The following PTK6 variants were observed in gnomAD, a reference collection of about 807,000 sequenced individuals.
PTK6 encodes the protein protein-tyrosine kinase 6.
Under a neutral mutation model 47.5 loss-of-function variants are expected in PTK6, and 47 were observed. The ratio of observed to expected loss-of-function variants is 0.99; its 90% CI spans 0.78 to 1.26. The LOEUF (loss-of-function observed/expected upper bound fraction) is 1.26. Among genes scored for constraint, PTK6 ranks in the 50% most tolerant of loss-of-function variants. The pLI, the probability that PTK6 is intolerant of heterozygous loss-of-function variation, is 0.00. For synonymous variants in PTK6, 287 were observed against 276.5 expected, an observed-to-expected ratio of 1.04 and a Z score of -0.38; for missense variants, 618 against 625.3, an observed-to-expected ratio of 0.99 and a Z score of 0.12.
chr20:63,532,558 A>G lies in PTK6; in HGVS notation c.800T>C (p.Met267Thr). 1 of 1,613,334 alleles carries G rather than the reference A, an allele frequency of 6.2e-7. No homozygotes were observed. The change falls in exon 5 of 8, where the codon ATG becomes ACG. Residue 267 changes from methionine (M) to threonine (T), a missense_variant. Coordinates refer to ENST00000542869, the MANE Select transcript of PTK6 (RefSeq NM_005975.4). ...GDPVYIITEL[M>T]AKGSLLELLR... Reference sequence around the variant, plus strand: ...CAGCTCCAGCAGGCTGCCCTTGGCCATGAGCTCCGTGATGATGTACACGGG... The same window carrying G: ...CAGCTCCAGCAGGCTGCCCTTGGCCGTGAGCTCCGTGATGATGTACACGGG...
At chr20:63,534,431 C>T in intron 2 of PTK6, 116 bp from the exon 3 acceptor site, 2 of 1,317,592 alleles carry the variant, frequency 1.5e-6, no homozygotes, top group Non-Finnish European at 2.0e-6. Flanking sequence ...GCTGTTGGTG[C>T]TTCCTCAGTA....
Position 63,529,925 on chromosome 20 carries a change from T to C in PTK6, c.1168+153A>G. 1 of 1,125,366 alleles carries C rather than the reference T, an allele frequency of 8.9e-7. No homozygotes were observed. The highest frequency in any genetic ancestry group is 1.2e-6 in the Non-Finnish European group (1 of 809,350). The allele number at this position is 1,125,366 out of a possible 1,614,324, so 69.7% of individuals were successfully genotyped here. A position where few individuals can be genotyped will look rare whatever the true frequency, so the allele number is the denominator to read the frequency against. ...AGGCAGCTCCAGGCACCAGCCTGGG[T>C]GCTCAGAGAATGGTGCAGGTGTGGA... On this transcript the variant is annotated intron_variant, in intron 7 of 7. Transcript: ENST00000542869. This position sits in a 1 kb window ranked among gnomAD's most constrained non-coding sequence, Gnocchi z 5.6.
At position 63,533,502 on chromosome 20, in the gene PTK6, C is replaced by T. The variant is rs1194149043; in HGVS notation, c.670+49G>A. On this transcript the variant is annotated intron_variant, in intron 4 of 7. Transcript: ENST00000542869. The surrounding 1 kb of genome is among the most constrained non-coding windows in gnomAD (Gnocchi z 4.0). ...CCCTGTTGGCGGGGTGGGAGGGTGG[C>T]CCAGGGCAGGCACGGGGCCACACAG... is the stretch of plus-strand genomic sequence containing the variant. 4 of 1,525,528 alleles carry T rather than the reference C, an allele frequency of 2.6e-6. No homozygotes were observed. The highest frequency in any genetic ancestry group is 2.0e-5 in the Admixed American group (1 of 49,808). The allele number at this position is 1,525,528 out of a possible 1,614,324, so 94.5% of individuals were successfully genotyped here.
chr20:63,534,105 AC>A (rs1277112058), intron 3 of PTK6, 46 bp downstream of exon 3: 1 of 1,485,212 alleles, frequency 6.7e-7, no homozygotes. Context: ...CCAGCCTGTG[AC>A]CCCCCAGCCT....
Position 63,529,496 on chromosome 20 carries a change from C to G in PTK6, c.*40G>C. ...CAGGTCCAGGCCCTCTGCCCAGGCC[C>G]CTCCTCAGCAGGGCCCGGCCATGCC... is the stretch of plus-strand genomic sequence containing the variant. On this transcript the variant is annotated 3_prime_UTR_variant, in exon 8 of 8. Coordinates refer to ENST00000542869, the MANE Select transcript of PTK6 (RefSeq NM_005975.4). The surrounding 1 kb of genome is among the most constrained non-coding windows in gnomAD (Gnocchi z 5.6). The G allele has an allele frequency of 6.6e-7, 1 of 1,506,028 alleles. No homozygotes were observed. The highest frequency in any genetic ancestry group is 8.9e-7 in the Non-Finnish European group (1 of 1,127,640). 93.3% of individuals were successfully genotyped at this position (1,506,028 alleles called of 1,614,324 possible). A position where few individuals can be genotyped will look rare whatever the true frequency, so the allele number is the denominator to read the frequency against.
intron 5 of PTK6, among the ~76,000 whole-genome samples, chr20:63,531,437 A>AAAAAAAAT (rs1311835682): frequency 2.1e-5 from 2 of 94,926 alleles, no homozygotes; most frequent in Non-Finnish European, 3.8e-5. Context: ...AAAAAAAAAA[A>AAAAAAAAT]ATATATATAT....
chr20:63,532,204 GTGTC>G lies in PTK6; in HGVS notation c.832+318_832+321del, dbSNP rs369620586. Among the ~76,000 whole-genome samples, 120 of 150,690 alleles carry G rather than the reference GTGTC, an allele frequency of 8.0e-4. 2 individuals are homozygous for G. The highest frequency in any genetic ancestry group is 6.5e-3 in the South Asian group (31 of 4,738). On this transcript the variant is annotated intron_variant, in intron 5 of 7. Transcript: ENST00000542869. The stretch of plus-strand genomic sequence containing the variant: ...GTGTGTGTCCGTGTGATCTGTGTGT[GTGTC>G]TGTGTGTGTCCGTGTGATCTGTTTT...
rs139847446 is a variant in PTK6 at position 63,537,247 on chromosome 20, G to A, written c.68C>T (p.Thr23Met). The A allele has an allele frequency of 8.5e-5, 137 of 1,612,248 alleles. No individual in the cohort carries two copies. Among genetic ancestry groups the A allele is most frequent in the South Asian group, 7.9e-4 (72 of 91,024 alleles). Reference protein sequence around the residue: ...YVGLWDFKSRTDEELSFRAGD... With the variant: ...YVGLWDFKSRMDEELSFRAGD... ...CGCGCGGAAGCTCAGCTCCTCGTCCGTCCGGGACTTGAAGTCCCAGAGGCC... is the reference window on the plus strand; with the variant it reads ...CGCGCGGAAGCTCAGCTCCTCGTCCATCCGGGACTTGAAGTCCCAGAGGCC... Residue 23 changes from threonine to methionine, a missense_variant, in exon 1 of 8, where the codon ACG becomes ATG. By Grantham distance (81) the Thr-to-Met change is moderately conservative. Coordinates refer to ENST00000542869, the MANE Select transcript of PTK6 (RefSeq NM_005975.4).
At chr20:63,535,427 C>G (rs1373127635) in intron 1 of PTK6, among the ~76,000 whole-genome samples, 1 of 151,920 alleles carries the variant, frequency 6.6e-6, no homozygotes, top group African/African-American at 2.4e-5. Context: ...CAGTCACAAA[C>G]CCCCACACAT....
chr20:63,531,601 T>C (rs7266708), intron 5 of PTK6, among the ~76,000 whole-genome samples: 20,124 of 141,602 alleles, frequency 0.14, 4,021 homozygotes, highest in African/African-American at 0.47. Context: ...GGCGACAGAG[T>C]GAGACTCCGT....
At chr20:63,531,428 AAAAAAAAAAAT>A (rs2082618596) in intron 5 of PTK6, among the ~76,000 whole-genome samples, 1 of 115,524 alleles carries the variant, frequency 8.7e-6, no homozygotes, top group Admixed American at 8.2e-5. Context: ...CTCAAAAAAA[AAAAAAAAAAAT>A]ATATATATAT....
intron 1 of PTK6, among the ~76,000 whole-genome samples, chr20:63,535,799 A>T (rs1320199551): frequency 3.8e-4 from 2 of 5,258 alleles, no homozygotes; most frequent in African/African-American, 8.5e-4. Context: ...CCCCCTCCTC[A>T]CCTGGCCTCC....
chr20:63,535,178 G>T lies in PTK6; in HGVS notation c.231-119C>A, dbSNP rs2082655199. On this transcript the variant is annotated intron_variant, in intron 1 of 7. Transcript: ENST00000542869. ...CCTTGCCTGCCACCTCAAGCTCCCAGCCCTGACCACAGCTGCTCTCAGGAG... is the reference window on the plus strand; with the variant it reads ...CCTTGCCTGCCACCTCAAGCTCCCATCCCTGACCACAGCTGCTCTCAGGAG... The T allele has an allele frequency of 1.8e-5, 25 of 1,365,242 alleles. No individual in the cohort carries two copies. The South Asian group carries it at 3.5e-4, about 19-fold the overall frequency. 84.6% of individuals were successfully genotyped at this position (1,365,242 alleles called of 1,614,324 possible).
Position 63,530,708 on chromosome 20 carries a change from C to G in PTK6, c.1014+38G>C. The G allele has an allele frequency of 7.5e-6, 12 of 1,605,200 alleles. 1 individual carries two copies. The highest frequency in any genetic ancestry group is 1.0e-5 in the Non-Finnish European group (12 of 1,175,812). On this transcript the variant is annotated intron_variant, in intron 6 of 7. Transcript: ENST00000542869. This position sits in a 1 kb window ranked among gnomAD's most constrained non-coding sequence, Gnocchi z 4.1. ...AAGCCCCCAGCCCTCCGGCCACGCC[C>G]CGGCCACGACCCCAGCCACGCCCTC...
chr20:63,531,440 AT>A (rs1569010543), intron 5 of PTK6, among the ~76,000 whole-genome samples: 860 of 67,560 alleles, frequency 0.013, 3 homozygotes, highest in East Asian at 0.028. Flanking sequence ...AAAAAAAAAT[AT>A]ATATATATAT....
At position 63,529,523 on chromosome 20, in the gene PTK6, G is replaced by C; in HGVS notation, c.*13C>G. 1 of 1,548,186 alleles carries C rather than the reference G, an allele frequency of 6.5e-7. No homozygotes were observed. The highest frequency in any genetic ancestry group is 8.7e-7 in the Non-Finnish European group (1 of 1,146,654). On this transcript the variant is annotated 3_prime_UTR_variant, in exon 8 of 8. Transcript: ENST00000542869. This position sits in a 1 kb window ranked among gnomAD's most constrained non-coding sequence, Gnocchi z 5.6. ...TCCTCAGCAGGGCCCGGCCATGCCCGCTCCACAGCAGCTCAGGTCGGGTTC... is the reference window on the plus strand; with the variant it reads ...TCCTCAGCAGGGCCCGGCCATGCCCCCTCCACAGCAGCTCAGGTCGGGTTC...
chr20:63,530,739 GC>G lies in PTK6; in HGVS notation c.1014+6del. On this transcript the variant is annotated splice_donor_region_variant and intron_variant, in intron 6 of 7. Coordinates refer to ENST00000542869, the MANE Select transcript of PTK6 (RefSeq NM_005975.4). This position sits in a 1 kb window ranked among gnomAD's most constrained non-coding sequence, Gnocchi z 4.1. ...ACGACCCCAGCCACGCCCTCTGAGG[GC>G]CCTACCTTGATAAGCCTGGCTAACC... is the stretch of plus-strand genomic sequence containing the variant. 6.2e-7 allele frequency: 1 copy of G among 1,613,498 alleles called. No individual in the cohort carries two copies. Among genetic ancestry groups the G allele is most frequent in the Non-Finnish European group, 8.5e-7 (1 of 1,179,804 alleles).
chr20:63,534,242 C>T lies in PTK6; in HGVS notation c.426G>A (p.Ala142=), dbSNP rs762672617. The change falls in exon 3 of 8, where the codon GCG becomes GCA. Residue 142 remains alanine, a synonymous_variant. Coordinates refer to ENST00000542869, the MANE Select transcript of PTK6 (RefSeq NM_005975.4). ...GCTCGGGCAGGCTGAGGAAGGACACCGCCTCGTTCAGGTGCAGCCGGCCCC... is the reference window on the plus strand; with the variant it reads ...GCTCGGGCAGGCTGAGGAAGGACACTGCCTCGTTCAGGTGCAGCCGGCCCC... ...RAGGRLHLNE[A]VSFLSLPELV... is the part of the protein sequence containing the mutation. The T allele has an allele frequency of 8.1e-6, 13 of 1,606,484 alleles. No individual in the cohort carries two copies. Among genetic ancestry groups the T allele is most frequent in the Non-Finnish European group, 9.3e-6 (11 of 1,177,668 alleles).
chr20:63,535,863 CT>C, intron 1 of PTK6, among the ~76,000 whole-genome samples: 1 of 29,040 alleles, frequency 3.4e-5, no homozygotes, highest in South Asian at 2.9e-3. Context: ...CTCCCGCCCC[CT>C]CCTCACCTGG....
Sources: allele counts gnomAD v4.1 joint callset (sites outside exome capture counted in the v4.1 genomes callset), GRCh38; gene constraint gnomAD v4.1.1; non-coding constraint Gnocchi (gnomAD v3.1); transcripts MANE v1.5; gene names NCBI Gene and HGNC (gene_info 2026-07-23, HGNC 2026-07-21).